CRIM1: variants seen among roughly 807,000 people sequenced by gnomAD.
The protein encoded by CRIM1 is cysteine-rich motor neuron 1 protein.
A neutral mutation model predicts 116.4 loss-of-function variants in CRIM1; 32 were observed. The observed-to-expected ratio is 0.27, with a 90% CI of 0.21 to 0.37. The LOEUF (loss-of-function observed/expected upper bound fraction) is 0.37, where lower values mean the gene tolerates loss of function less well. Among genes scored for constraint, CRIM1 ranks in the 10% least tolerant of loss-of-function variants. The probability of loss-of-function intolerance (pLI) is 1.00; values close to 1 mark genes in which losing one functional copy is unlikely to be tolerated. For synonymous variants in CRIM1, 590 were observed against 509.2 expected (o/e 1.16, Z -2.13); for missense variants, 1,331 against 1,354.8 (o/e 0.98, Z 0.28).
chr2:36,450,440 A>G (rs1676621304), intron 4 of CRIM1, among the ~76,000 whole-genome samples: 1 of 152,228 alleles, frequency 6.6e-6, no homozygotes, highest in Non-Finnish European at 1.5e-5. Context: ...GCATACACAC[A>G]CAGAATAATA....
intron 2 of CRIM1, among the ~76,000 whole-genome samples, chr2:36,413,608 G>C (rs1673373779): frequency 6.6e-6 from 1 of 152,148 alleles, no homozygotes; most frequent in Non-Finnish European, 1.5e-5. Context: ...AATACAAATT[G>C]CGTATAAAAT....
At chr2:36,497,491 A>C (rs951021410) in intron 7 of CRIM1, among the ~76,000 whole-genome samples, 3 of 152,222 alleles carry the variant, frequency 2.0e-5, no homozygotes, top group African/African-American at 4.8e-5. Flanking sequence ...AGATGTTTGC[A>C]GTAAATTTTA....
chr2:36,546,992 C>T lies in CRIM1; in HGVS notation c.2755C>T (p.His919Tyr), dbSNP rs771517571. ...DIVHLPRDMGHLQVDYRDNRL... is the reference protein window; with the variant it reads ...DIVHLPRDMGYLQVDYRDNRL... ...AATTTTTTTTCTCCTAGATATGGGTCACCTCCAGGTAGATTACAGAGATAA... is the reference window on the plus strand; with the variant it reads ...AATTTTTTTTCTCCTAGATATGGGTTACCTCCAGGTAGATTACAGAGATAA... The change falls in exon 16 of 17, where the codon CAC becomes TAC. Residue 919 changes from histidine to tyrosine, a missense_variant. His to Tyr is a moderately conservative substitution (Grantham distance 83, BLOSUM62 2). This residue lies in a region of CRIM1 where 283 missense variants were observed against 242.8 expected (regional missense o/e 1.17). Transcript: ENST00000280527. 1.9e-6 allele frequency: 3 copies of T among 1,580,936 alleles called. No individual in the cohort carries two copies. The South Asian group carries it at 3.5e-5, about 18-fold the overall frequency.
rs1434571633 is a variant in CRIM1, at chr2:36,467,696, G to C, written c.991+3041G>C. Reference sequence around the variant, plus strand: ...AAAGTTGAAAGTGAAAAATCAAACAGAAAGCACCCACGGGTATACAGTCCA... The same window carrying C: ...AAAGTTGAAAGTGAAAAATCAAACACAAAGCACCCACGGGTATACAGTCCA... On this transcript the variant is annotated intron_variant, in intron 5 of 16. Transcript: ENST00000280527. Among the ~76,000 whole-genome samples the C allele has an allele frequency of 2.0e-5, 3 of 152,182 alleles. 1 individual carries two copies. Among genetic ancestry groups the C allele is most frequent in the African/African-American group, 7.2e-5 (3 of 41,452 alleles).
intron 4 of CRIM1, among the ~76,000 whole-genome samples, chr2:36,463,918 C>A (rs1465063741): frequency 6.6e-6 from 1 of 152,210 alleles, no homozygotes; most frequent in Non-Finnish European, 1.5e-5. Flanking sequence ...CTTAGGCCCT[C>A]TCTTTATAAA....
intron 1 of CRIM1, among the ~76,000 whole-genome samples, chr2:36,391,505 C>T (rs1260365310): frequency 6.6e-6 from 1 of 152,114 alleles, no homozygotes; most frequent in Non-Finnish European, 1.5e-5. Flanking sequence ...ATTATACTGA[C>T]ACCATTTTCC....
chr2:36,415,461 C>T (rs893468052), intron 2 of CRIM1, among the ~76,000 whole-genome samples: 2 of 152,206 alleles, frequency 1.3e-5, no homozygotes, highest in East Asian at 1.9e-4. Flanking sequence ...TCTGTCTCTT[C>T]TGTAGGCTGT....
Position 36,548,808 on chromosome 2 carries a change from A to G in CRIM1, c.*107A>G. On this transcript the variant is annotated 3_prime_UTR_variant, in exon 17 of 17. Transcript: ENST00000280527. ...GCTTAGTGGATTGTATTGGATTGTG[A>G]CTTGATGTACAGCGCTAAGACCTTA... 1.1e-6 allele frequency: 1 copy of G among 918,824 alleles called. No homozygotes were observed. The highest frequency in any genetic ancestry group is 2.2e-4 in the Middle Eastern group (1 of 4,450). The allele number at this position is 918,824 out of a possible 1,614,324, so 56.9% of individuals were successfully genotyped here. A position where few individuals can be genotyped will look rare whatever the true frequency, so the allele number is the denominator to read the frequency against.
At chr2:36,464,745 A>G in intron 5 of CRIM1, 90 bp downstream of exon 5, 1 of 1,500,736 alleles carries the variant, frequency 6.7e-7, no homozygotes. Context: ...TGCCTTTTAC[A>G]AAGCAGGGAT....
chr2:36,516,038 A>T (rs1289797884), intron 11 of CRIM1, among the ~76,000 whole-genome samples: 2 of 152,170 alleles, frequency 1.3e-5, no homozygotes, highest in African/African-American at 4.8e-5. Context: ...GCATTGATTG[A>T]TGAGTATCAG....
At chr2:36,429,452 C>A (rs1674705760) in intron 2 of CRIM1, among the ~76,000 whole-genome samples, 1 of 152,150 alleles carries the variant, frequency 6.6e-6, no homozygotes, top group African/African-American at 2.4e-5. Flanking sequence ...ATGCTGGGCT[C>A]TGTGTGGGTT....
chr2:36,473,293 C>G (rs1362632707), intron 5 of CRIM1, among the ~76,000 whole-genome samples: 1 of 152,168 alleles, frequency 6.6e-6, no homozygotes, highest in East Asian at 1.9e-4. Flanking sequence ...CCAGCTTTCA[C>G]CGGCAGATTG....
intron 1 of CRIM1, among the ~76,000 whole-genome samples, chr2:36,365,421 C>A (rs1669524045): frequency 6.6e-6 from 1 of 152,182 alleles, no homozygotes; most frequent in African/African-American, 2.4e-5. Context: ...ATATATCTCA[C>A]TGAGGTTACA....
At position 36,399,860 on chromosome 2, in the gene CRIM1, GA is replaced by G. The variant is rs767189810; in HGVS notation, c.505+3077del. ...GGTGTGGAAAATCAAAGAGAAAGAG[GA>G]AAATGTAAACAGACATCTTTAAAGG... On this transcript the variant is annotated intron_variant, in intron 2 of 16. Coordinates refer to ENST00000280527, the MANE Select transcript of CRIM1 (RefSeq NM_016441.3). Among the ~76,000 whole-genome samples, 22 of 152,294 alleles carry G rather than the reference GA, an allele frequency of 1.4e-4. 1 individual carries two copies. In the East Asian group the frequency reaches 2.9e-3, roughly 20 times the overall value.
intron 2 of CRIM1, among the ~76,000 whole-genome samples, chr2:36,416,589 A>G (rs1673641172): frequency 6.6e-6 from 1 of 152,090 alleles, no homozygotes; most frequent in Admixed American, 6.5e-5. Flanking sequence ...GTATTTTTTG[A>G]CCTGTCATTT....
At chr2:36,527,432 G>A (rs1311884216) in intron 13 of CRIM1, among the ~76,000 whole-genome samples, 1 of 151,966 alleles carries the variant, frequency 6.6e-6, no homozygotes, top group African/African-American at 2.4e-5. Flanking sequence ...ATTCGAAGTG[G>A]GACTTTGCCA....
intron 4 of CRIM1, among the ~76,000 whole-genome samples, chr2:36,445,447 C>G (rs1676164827): frequency 6.6e-6 from 1 of 152,236 alleles, no homozygotes; most frequent in African/African-American, 2.4e-5. Context: ...CTTCAACCAA[C>G]AGGTCCCACT....
intron 13 of CRIM1, among the ~76,000 whole-genome samples, chr2:36,526,916 G>C (rs935401913): frequency 6.6e-6 from 1 of 152,198 alleles, no homozygotes; most frequent in South Asian, 2.1e-4. Context: ...GCCACTCTAG[G>C]TGATCAGGAC....
At chr2:36,503,351 C>T (rs1238178011) in intron 8 of CRIM1, among the ~76,000 whole-genome samples, 1 of 152,042 alleles carries the variant, frequency 6.6e-6, no homozygotes, top group East Asian at 1.9e-4. Flanking sequence ...ACTCTGTGTC[C>T]ACATATGTAA....
Sources: allele counts gnomAD v4.1 joint callset (sites outside exome capture counted in the v4.1 genomes callset), GRCh38; gene constraint gnomAD v4.1.1; regional missense constraint gnomAD v4.1.1; transcripts MANE v1.5; gene names NCBI Gene and HGNC (gene_info 2026-07-23, HGNC 2026-07-21).